SMYD3: variants seen among roughly 807,000 people sequenced by gnomAD.
SMYD3 encodes the protein SET and MYND domain containing 3, also known as histone-lysine N-methyltransferase SMYD3.
In SMYD3, 36 loss-of-function variants were observed where a neutral mutation model predicts 57.7. That is an observed-to-expected ratio of 0.62 (90% CI 0.48 to 0.82). The LOEUF is 0.82. SMYD3 is among the 40% of genes least tolerant of loss of function. The pLI is 0.00. For missense variants in SMYD3, 515 were observed against 538.8 expected (o/e 0.96, Z 0.44); for synonymous variants, 211 against 195.0 (o/e 1.08, Z -0.68).
At chr1:246,384,607 G>A (rs2066442740) in intron 1 of SMYD3, among the ~76,000 whole-genome samples, 3 of 152,122 alleles carry the variant, frequency 2.0e-5, no homozygotes, top group South Asian at 4.1e-4. Flanking sequence ...ATGTTGGCCA[G>A]GCTGTTGTCA....
intron 2 of SMYD3, among the ~76,000 whole-genome samples, chr1:246,350,845 G>A (rs969508611): frequency 6.6e-6 from 1 of 152,208 alleles, no homozygotes; most frequent in Non-Finnish European, 1.5e-5. Context: ...CCAGACACCT[G>A]TGGAGGTCAA....
chr1:246,330,782 T>C (rs2065446515), intron 3 of SMYD3, among the ~76,000 whole-genome samples: 1 of 152,316 alleles, frequency 6.6e-6, no homozygotes, highest in Non-Finnish European at 1.5e-5. Flanking sequence ...AAAGTTCCCA[T>C]ATTTTTATAT....
intron 1 of SMYD3, among the ~76,000 whole-genome samples, chr1:246,380,119 A>C (rs912162699): frequency 2.0e-5 from 3 of 152,230 alleles, no homozygotes; most frequent in African/African-American, 7.2e-5. Flanking sequence ...AAAAATATTC[A>C]GAGATAATAC....
intron 8 of SMYD3, among the ~76,000 whole-genome samples, chr1:245,892,709 T>C (rs1321552595): frequency 6.6e-6 from 1 of 152,176 alleles, no homozygotes; most frequent in Non-Finnish European, 1.5e-5. Flanking sequence ...AAAAAGAACA[T>C]TATGCATACA....
intron 1 of SMYD3, among the ~76,000 whole-genome samples, chr1:246,437,002 C>T (rs1233764131): frequency 3.3e-5 from 5 of 150,612 alleles, no homozygotes; most frequent in African/African-American, 4.9e-5. Flanking sequence ...CGGGTTCAAG[C>T]GATTCTCCTG....
intron 1 of SMYD3, among the ~76,000 whole-genome samples, chr1:246,480,073 T>A (rs890625440): frequency 2.6e-5 from 4 of 152,264 alleles, no homozygotes; most frequent in Non-Finnish European, 5.9e-5. Context: ...GATCTTTTTT[T>A]AATTTCTTTT....
intron 5 of SMYD3, among the ~76,000 whole-genome samples, chr1:246,054,822 C>G (rs2060120846): frequency 7.6e-6 from 1 of 131,578 alleles, no homozygotes. Flanking sequence ...TAGGAAAATG[C>G]AAATTCAAAA....
chr1:245,834,541 T>C (rs1675956982), intron 10 of SMYD3, among the ~76,000 whole-genome samples: 1 of 152,226 alleles, frequency 6.6e-6, no homozygotes, highest in Non-Finnish European at 1.5e-5. Context: ...TTCTGTTCTC[T>C]GATACTACAT....
intron 3 of SMYD3, among the ~76,000 whole-genome samples, chr1:246,332,740 G>A (rs556864023): frequency 1.8e-4 from 28 of 152,272 alleles, no homozygotes; most frequent in South Asian, 8.3e-4. Flanking sequence ...CCTAAGAGGC[G>A]GAGGTTGCAG....
intron 5 of SMYD3, among the ~76,000 whole-genome samples, chr1:246,299,495 A>G (rs2064855670): frequency 6.6e-6 from 1 of 152,162 alleles, no homozygotes; most frequent in African/African-American, 2.4e-5. Context: ...TTACTGACAC[A>G]TACCCAAAGG....
At chr1:245,946,525 T>C (rs1045070964) in intron 5 of SMYD3, among the ~76,000 whole-genome samples, 4 of 152,144 alleles carry the variant, frequency 2.6e-5, no homozygotes, top group Admixed American at 6.5e-5. Flanking sequence ...AGTATCTTCA[T>C]GAAAGAAAGG....
At chr1:246,041,766 C>T (rs756496038) in intron 5 of SMYD3, among the ~76,000 whole-genome samples, 60 of 151,422 alleles carry the variant, frequency 4.0e-4, no homozygotes, top group Admixed American at 1.5e-3. Context: ...TTCCAATGGA[C>T]GGACTCAGAG....
At chr1:245,776,208 CT>C (rs1384663783) in intron 10 of SMYD3, among the ~76,000 whole-genome samples, 1 of 152,058 alleles carries the variant, frequency 6.6e-6, no homozygotes, top group Non-Finnish European at 1.5e-5. Flanking sequence ...TTAATTAAGA[CT>C]TTTTAATGTT....
At chr1:246,085,979 A>G (rs556457535) in intron 5 of SMYD3, among the ~76,000 whole-genome samples, 2 of 151,934 alleles carry the variant, frequency 1.3e-5, no homozygotes, top group African/African-American at 4.8e-5. Context: ...TAGAAAAAGA[A>G]TAATTAGTTT....
In SMYD3 at chr1:246,335,422, T is replaced by G. The variant is rs999674703; in HGVS notation, c.281A>C (p.Lys94Thr). Residue 94 changes from lysine (K) to threonine (T), a missense_variant, in exon 3 of 12, where the codon AAA becomes ACA. Lys to Thr is a moderately conservative substitution (Grantham distance 78). Transcript: ENST00000490107. ...KRECKCLKSCKPRYPPDSVRL... is the reference protein window; with the variant it reads ...KRECKCLKSCTPRYPPDSVRL... ...AACGGAGTCTGGAGGATATCTGGGTTTGCAGCTTTTAAGGCATTTGCATTC... is the reference window on the plus strand; with the variant it reads ...AACGGAGTCTGGAGGATATCTGGGTGTGCAGCTTTTAAGGCATTTGCATTC... The G allele has an allele frequency of 1.2e-5, 19 of 1,614,014 alleles. No individual in the cohort carries two copies. Among genetic ancestry groups the G allele is most frequent in the Non-Finnish European group, 1.5e-5 (18 of 1,180,022 alleles).
intron 1 of SMYD3, among the ~76,000 whole-genome samples, chr1:246,499,665 AGGCTGGTCTCAAACTCCTG>A (rs1298884859): frequency 6.6e-6 from 1 of 152,102 alleles, no homozygotes; most frequent in Non-Finnish European, 1.5e-5. Flanking sequence ...TACGTTGGCC[AGGCTGGTCTCAAACTCCTG>A]GGCTCATGTG....
intron 5 of SMYD3, among the ~76,000 whole-genome samples, chr1:245,966,054 A>T (rs969202249): frequency 2.6e-5 from 4 of 152,200 alleles, no homozygotes; most frequent in African/African-American, 9.6e-5. Context: ...TCAAATAAAA[A>T]GTTTATTAAT....
chr1:246,151,480 A>G (rs1045570276), intron 5 of SMYD3, among the ~76,000 whole-genome samples: 1 of 152,134 alleles, frequency 6.6e-6, no homozygotes, highest in African/African-American at 2.4e-5. Context: ...TTTGACCTTC[A>G]GTTTTCCCAT....
intron 5 of SMYD3, among the ~76,000 whole-genome samples, chr1:245,972,585 C>T (rs750145527): frequency 6.6e-6 from 1 of 152,232 alleles, no homozygotes; most frequent in Non-Finnish European, 1.5e-5. Context: ...TCCCAGGGCA[C>T]AGGCCTGAAC....
Sources: gnomAD v4.1 joint callset for allele counts (sites outside exome capture counted in the v4.1 genomes callset) on GRCh38, gnomAD v4.1.1 for gene constraint, MANE v1.5 for transcripts, NCBI Gene and HGNC (gene_info 2026-07-23, HGNC 2026-07-21) for gene names.